CC2D2B: variants seen among roughly 807,000 people sequenced by gnomAD.
The protein encoded by CC2D2B is protein CC2D2B.
In CC2D2B, 128 loss-of-function variants were observed where a neutral mutation model predicts 161.2. The observed-to-expected ratio is 0.79, with a 90% CI of 0.69 to 0.92. The LOEUF (loss-of-function observed/expected upper bound fraction) is 0.92, where lower values mean the gene tolerates loss of function less well. CC2D2B is among the 40% of genes least tolerant of loss of function. The pLI, the probability that CC2D2B is intolerant of heterozygous loss-of-function variation, is 0.00. For missense variants in CC2D2B, 1,173 were observed against 1,375.1 expected (o/e 0.85, Z 2.32); for synonymous variants, 391 against 449.8 (o/e 0.87, Z 1.65).
At chr10:95,966,889 C>A (rs1417112023) in intron 14 of CC2D2B, among the ~76,000 whole-genome samples, 1 of 152,008 alleles carries the variant, frequency 6.6e-6, no homozygotes, top group East Asian at 1.9e-4. Flanking sequence ...CAAAAACAGA[C>A]ATCATAGGTA....
intron 18 of CC2D2B, 39 bp downstream of exon 18, chr10:95,982,152 A>G: frequency 1.7e-6 from 2 of 1,169,868 alleles, no homozygotes; most frequent in Non-Finnish European, 2.1e-6. Flanking sequence ...AACATATTCT[A>G]TTTCCTAAGC....
chr10:96,004,192 A>G lies in CC2D2B; in HGVS notation c.2890A>G (p.Ile964Val), dbSNP rs763417625. ...HDYSFSSLSK[I>V]KDNIYINIFD... ...TTATAGCTTCTCAAGCTTATCTAAA[A>G]TAAAAGATAACATATATATCAACAT... Residue 964 changes from isoleucine (I) to valine (V), a missense_variant, in exon 25 of 35, where the codon ATA (isoleucine) becomes GTA (valine). By Grantham distance (29) the Ile-to-Val change is conservative (BLOSUM62 3). This residue lies in a region of CC2D2B where 598 missense variants were observed against 693.2 expected (regional missense o/e 0.86). Coordinates refer to ENST00000646931, the MANE Select transcript of CC2D2B (RefSeq NM_001349008.3). 2 of 1,557,326 alleles carry G rather than the reference A, an allele frequency of 1.3e-6. No individual in the cohort carries two copies. The highest frequency in any genetic ancestry group is 4.7e-5 in the East Asian group (2 of 42,304).
rs1206025403 is a variant in CC2D2B at position 95,938,666 on chromosome 10, C to G, written c.633C>G (p.Thr211=). The part of the protein sequence containing the change: ...IQRKPEIYKK[T]CNKMENRLLK... ...GAAAGCCAGAAATATACAAAAAGACCTGCAACAAAATGGAAAATCGCCTGC... is the reference window on the plus strand; with the variant it reads ...GAAAGCCAGAAATATACAAAAAGACGTGCAACAAAATGGAAAATCGCCTGC... Residue 211 remains threonine, a synonymous_variant, in exon 8 of 35, where the codon ACC becomes ACG. Coordinates refer to ENST00000646931, the MANE Select transcript of CC2D2B (RefSeq NM_001349008.3). The G allele has an allele frequency of 2.8e-6, 2 of 713,234 alleles. No homozygotes were observed. The highest frequency in any genetic ancestry group is 2.0e-5 in the Admixed American group (1 of 49,348). 44.2% of individuals were successfully genotyped at this position (713,234 alleles called of 1,614,324 possible). A position where few individuals can be genotyped will look rare whatever the true frequency, so the allele number is the denominator to read the frequency against.
Position 95,991,395 on chromosome 10 carries a change from T to C in CC2D2B, c.2405T>C (p.Ile802Thr), listed in dbSNP as rs1229954890. 9 of 1,129,456 alleles carry C rather than the reference T, an allele frequency of 8.0e-6. No individual in the cohort carries two copies. The highest frequency in any genetic ancestry group is 1.0e-5 in the Non-Finnish European group (9 of 894,092). 70.0% of individuals were successfully genotyped at this position (1,129,456 alleles called of 1,614,324 possible). Residue 802 changes from isoleucine to threonine, a missense_variant, in exon 21 of 35, where the codon ATT becomes ACT. Transcript: ENST00000646931. Reference protein sequence around the residue: ...KKVRRLIMKRIVKISKCNLSD... With the variant: ...KKVRRLIMKRTVKISKCNLSD... The stretch of plus-strand genomic sequence containing the variant: ...GTGAGAAGGTTGATAATGAAGAGAA[T>C]TGTTAAAATTAGCAAATGTAACTTG...
At position 95,966,192 on chromosome 10, in the gene CC2D2B, C is replaced by G. The variant is rs944919759; in HGVS notation, c.1356C>G (p.Ser452Arg). Residue 452 changes from serine to arginine, a missense_variant and splice_region_variant, in exon 14 of 35, where the codon AGC (serine) becomes AGG (arginine). Ser to Arg is a moderately radical substitution (Grantham distance 110). Around this residue, in one of 3 missense-constraint regions of CC2D2B, gnomAD observed 277 missense variants for 420.6 expected, o/e 0.66. Transcript: ENST00000646931. ...TATATTTATTTTTTGATTTCTAGAG[C>G]CTCTCATATCTAGCTTCAGACGAAA... ...KELKNGKKLE[S>R]LSYLASDETE... 4 of 1,169,546 alleles carry G rather than the reference C, an allele frequency of 3.4e-6. No individual in the cohort carries two copies. In the African/African-American group the frequency reaches 6.3e-5, roughly 19 times the overall value. 72.4% of individuals were successfully genotyped at this position (1,169,546 alleles called of 1,614,324 possible).
intron 32 of CC2D2B, 166 bp downstream of exon 32, chr10:96,019,990 T>C: frequency 1.9e-6 from 1 of 537,656 alleles, no homozygotes; most frequent in Non-Finnish European, 3.2e-6. Flanking sequence ...ACAGGCTCTT[T>C]CCCCTACTTG....
chr10:95,922,119 AT>A (rs1262970891), intron 3 of CC2D2B, 43 bp downstream of exon 3: 2 of 1,045,168 alleles, frequency 1.9e-6, no homozygotes, highest in East Asian at 5.4e-5. Flanking sequence ...CTTCATTTTT[AT>A]TTTTAAAGAT....
At chr10:95,925,809 G>A (rs559154816) in intron 5 of CC2D2B, among the ~76,000 whole-genome samples, 13 of 152,272 alleles carry the variant, frequency 8.5e-5, no homozygotes, top group South Asian at 8.3e-4. Flanking sequence ...AGGGAAGTGG[G>A]GAAGAAAGAA....
intron 9 of CC2D2B, among the ~76,000 whole-genome samples, chr10:95,941,339 G>A (rs960779844): frequency 5.9e-5 from 9 of 152,068 alleles, no homozygotes; most frequent in Admixed American, 6.6e-5. Flanking sequence ...AAATAGAGAA[G>A]TGAGACTACA....
At position 95,911,345 on chromosome 10, in the gene CC2D2B, G is replaced by A. The variant is rs1590289020; in HGVS notation, c.22G>A (p.Asp8Asn). 4.1e-6 allele frequency: 1 copy of A among 242,654 alleles called. No individual in the cohort carries two copies. Among genetic ancestry groups the A allele is most frequent in the East Asian group, 8.0e-5 (1 of 12,438 alleles). 15.0% of individuals were successfully genotyped at this position (242,654 alleles called of 1,614,324 possible). Residue 8 changes from aspartate to asparagine, a missense_variant, in exon 2 of 35, where the codon GAT (aspartate) becomes AAT (asparagine). Transcript: ENST00000646931. Reference sequence around the variant, plus strand: ...CATCATGAAAAAATCTCAAAGAGAAGATATTTTTAAAAAGGTAAGGTATTA... The same window carrying A: ...CATCATGAAAAAATCTCAAAGAGAAAATATTTTTAAAAAGGTAAGGTATTA... Reference protein sequence around the residue: MKKSQREDIFKKMSEEMD... With the variant: MKKSQRENIFKKMSEEMD...
intron 24 of CC2D2B, among the ~76,000 whole-genome samples, chr10:96,003,018 ATAAATATATATATATATATATAT>A (rs1223979203): frequency 9.3e-6 from 1 of 107,702 alleles, no homozygotes; most frequent in Non-Finnish European, 1.8e-5. Context: ...CAAAAAATAA[ATAAATATATATATATATATATAT>A]ATAGAAATAA....
intron 6 of CC2D2B, among the ~76,000 whole-genome samples, chr10:95,932,371 C>A (rs190270387): frequency 6.6e-6 from 1 of 152,254 alleles, no homozygotes; most frequent in Admixed American, 6.5e-5. Flanking sequence ...GGCATTTAGC[C>A]CATTTACATT....
intron 5 of CC2D2B, among the ~76,000 whole-genome samples, chr10:95,925,709 G>T (rs1447656693): frequency 1.3e-5 from 2 of 152,160 alleles, no homozygotes; most frequent in East Asian, 3.8e-4. Context: ...ATCAGCAGTC[G>T]GGGCTGATAG....
chr10:95,921,895 T>C, intron 2 of CC2D2B, 121 bp from the exon 3 acceptor site: 1 of 543,332 alleles, frequency 1.8e-6, no homozygotes, highest in Non-Finnish European at 3.3e-6. Flanking sequence ...TGTATACCTA[T>C]GTAACAAACC....
chr10:96,000,574 C>A (rs2078443606), intron 24 of CC2D2B, among the ~76,000 whole-genome samples: 1 of 152,048 alleles, frequency 6.6e-6, no homozygotes, highest in Admixed American at 6.6e-5. Context: ...CCATGTTAGT[C>A]AGGATGGTAT....
At chr10:95,941,221 C>A (rs2076011695) in intron 9 of CC2D2B, among the ~76,000 whole-genome samples, 1 of 152,120 alleles carries the variant, frequency 6.6e-6, no homozygotes, top group African/African-American at 2.4e-5. Context: ...AAAAACAATA[C>A]CTGAAACTAT....
chr10:95,970,411 T>A (rs1319693827), intron 15 of CC2D2B, among the ~76,000 whole-genome samples: 1 of 152,200 alleles, frequency 6.6e-6, no homozygotes, highest in African/African-American at 2.4e-5. Flanking sequence ...TTCCCACACG[T>A]GCTTGTAATT....
intron 32 of CC2D2B, chr10:96,021,331 C>G (rs540049308): frequency 6.6e-6 from 1 of 152,188 alleles, no homozygotes; most frequent in African/African-American, 2.4e-5. Flanking sequence ...AAATTTGAAA[C>G]AGTTCATCAA....
chr10:95,947,113 A>ATATATATATTTTTTT (rs1289243570), intron 9 of CC2D2B, among the ~76,000 whole-genome samples: 1 of 48,374 alleles, frequency 2.1e-5, no homozygotes, highest in African/African-American at 9.4e-5. Context: ...ATATATATAT[A>ATATATATATTTTTTT]TTTTTTTTTT....
Sources: gnomAD v4.1 joint callset for allele counts (sites outside exome capture counted in the v4.1 genomes callset) on GRCh38, gnomAD v4.1.1 for gene constraint, gnomAD v4.1.1 regional missense constraint, MANE v1.5 for transcripts, NCBI Gene and HGNC (gene_info 2026-07-23, HGNC 2026-07-21) for gene names.